The following TP73 variants were observed in gnomAD, a reference collection of about 807,000 sequenced individuals.
The protein encoded by TP73 is tumor protein p73, also known as p53-like transcription factor.
TP73 carries 25 observed loss-of-function variants against 62.5 expected under a neutral mutation model. That is an observed-to-expected ratio of 0.40 (90% CI 0.29 to 0.56). The LOEUF is 0.56. Among genes scored for constraint, TP73 ranks in the 20% least tolerant of loss-of-function variants. The pLI is 0.46. For synonymous variants in TP73, 423 were observed against 377.5 expected, an observed-to-expected ratio of 1.12 and a Z score of -1.40; for missense variants, 754 against 913.3, an observed-to-expected ratio of 0.83 and a Z score of 2.25.
Position 3,727,433 on chromosome 1 carries a change from G to A in TP73, c.843-195G>A, listed in dbSNP as rs534588115. On this transcript the variant is annotated intron_variant, in intron 7 of 13. Coordinates refer to ENST00000378295, the MANE Select transcript of TP73 (RefSeq NM_005427.4). ...CCGGAGGGAGGTGGGAGTCCCCGGC[G>A]AGGTCTCAGGGCAGCCTCACAGCTT... 5.4e-5 allele frequency: 52 copies of A among 962,220 alleles called. No homozygotes were observed. In the Admixed American group the frequency reaches 9.3e-4, roughly 17 times the overall value. 59.6% of individuals were successfully genotyped at this position (962,220 alleles called of 1,614,324 possible).
At chr1:3,718,696 T>C (rs947253181) in intron 4 of TP73, among the ~76,000 whole-genome samples, 1 of 152,024 alleles carries the variant, frequency 6.6e-6, no homozygotes, top group Admixed American at 6.5e-5. Context: ...ACTCCATCTG[T>C]GTCCAACTGG....
At chr1:3,671,503 C>G (rs775689439) in intron 1 of TP73, among the ~76,000 whole-genome samples, 1 of 152,246 alleles carries the variant, frequency 6.6e-6, no homozygotes, top group South Asian at 2.1e-4. Flanking sequence ...CGGGAGCCCC[C>G]TTCGTGACGG....
intron 1 of TP73, among the ~76,000 whole-genome samples, chr1:3,656,229 T>C (rs1196617711): frequency 6.6e-6 from 1 of 152,016 alleles, no homozygotes; most frequent in Non-Finnish European, 1.5e-5. Context: ...TAAGACAGCT[T>C]ATACCAAAGT....
chr1:3,691,647 T>C (rs922172369), intron 3 of TP73, among the ~76,000 whole-genome samples: 2 of 152,110 alleles, frequency 1.3e-5, no homozygotes, highest in Non-Finnish European at 1.5e-5. Context: ...GCCAGGTCCC[T>C]GGGGGCCAGG....
chr1:3,714,229 ACTCCC>A (rs1247100134), intron 4 of TP73: 7 of 151,636 alleles, frequency 4.6e-5, no homozygotes, highest in African/African-American at 1.7e-4. Flanking sequence ...TCCACAGCTT[ACTCCC>A]CTCCCTCCGC....
chr1:3,731,367 G>C, intron 12 of TP73, 96 bp from the exon 13 acceptor site: 1 of 1,289,526 alleles, frequency 7.8e-7, no homozygotes. Context: ...GACAGCGGCA[G>C]TCTCCGCCCC....
At position 3,733,896 on chromosome 1, in the gene TP73, C is replaced by A. The variant is rs1398260183; in HGVS notation, c.*817C>A. On this transcript the variant is annotated 3_prime_UTR_variant, in exon 14 of 14. Coordinates refer to ENST00000378295, the MANE Select transcript of TP73 (RefSeq NM_005427.4). ...ATTGTCAATATTTGATAAAATGATACCCTTTTCTACATGGTGGGTCAGCTT... is the reference window on the plus strand; with the variant it reads ...ATTGTCAATATTTGATAAAATGATAACCTTTTCTACATGGTGGGTCAGCTT... 1 of 151,578 alleles carries A rather than the reference C, an allele frequency of 6.6e-6. No individual in the cohort carries two copies. Among genetic ancestry groups the A allele is most frequent in the Non-Finnish European group, 1.5e-5 (1 of 67,930 alleles). 9.4% of individuals were successfully genotyped at this position (151,578 alleles called of 1,614,324 possible). A position where few individuals can be genotyped will look rare whatever the true frequency, so the allele number is the denominator to read the frequency against.
chr1:3,682,678 G>A (rs1645553218), intron 2 of TP73, among the ~76,000 whole-genome samples: 1 of 152,246 alleles, frequency 6.6e-6, no homozygotes, highest in Non-Finnish European at 1.5e-5. Flanking sequence ...CTCCACACTA[G>A]TCTTGGGCTA....
In TP73 at chr1:3,696,033, G is replaced by C. The variant is rs1557525190; in HGVS notation, c.187-11516G>C. ...GGCCGTGGCTGTGTTGGAGATGCCC[G>C]GCAGCCATTGCATAGCTGAGAAGGA... On this transcript the variant is annotated intron_variant, in intron 3 of 13. Coordinates refer to ENST00000378295, the MANE Select transcript of TP73 (RefSeq NM_005427.4). This position sits in a 1 kb window ranked among gnomAD's most constrained non-coding sequence, Gnocchi z 4.1. Among the ~76,000 whole-genome samples the C allele has an allele frequency of 6.6e-6, 1 of 152,214 alleles. No homozygotes were observed.
chr1:3,711,058 C>T (rs1393026164), intron 4 of TP73, among the ~76,000 whole-genome samples: 2 of 152,230 alleles, frequency 1.3e-5, no homozygotes, highest in Non-Finnish European at 2.9e-5. Flanking sequence ...CTGGCGTCTG[C>T]TGGGGTCCCA....
intron 3 of TP73, among the ~76,000 whole-genome samples, chr1:3,686,601 G>A (rs1645663010): frequency 6.6e-6 from 1 of 152,170 alleles, no homozygotes; most frequent in Non-Finnish European, 1.5e-5. Flanking sequence ...GGCAAGAGCA[G>A]TTGAACCCTC....
At position 3,666,802 on chromosome 1, in the gene TP73, G is replaced by A. The variant is rs77710351; in HGVS notation, c.-34+14161G>A. Among the ~76,000 whole-genome samples, 1 of 152,272 alleles carries A rather than the reference G, an allele frequency of 6.6e-6. No individual in the cohort carries two copies. Among genetic ancestry groups the A allele is most frequent in the African/African-American group, 2.4e-5 (1 of 41,562 alleles). ...AGTGCCATGCGGGCGTCTCTCCCAG[G>A]GCGGCTTTCAGACTGACCCCCAAAC... On this transcript the variant is annotated intron_variant, in intron 1 of 13. Coordinates refer to ENST00000378295, the MANE Select transcript of TP73 (RefSeq NM_005427.4). The surrounding 1 kb of genome is among the most constrained non-coding windows in gnomAD (Gnocchi z 6.4).
At chr1:3,712,590 T>C (rs942625349) in intron 4 of TP73, among the ~76,000 whole-genome samples, 1 of 152,146 alleles carries the variant, frequency 6.6e-6, no homozygotes, top group Admixed American at 6.5e-5. Context: ...TTCCCTTCCA[T>C]AGGCATGAGA....
intron 1 of TP73, among the ~76,000 whole-genome samples, chr1:3,653,171 A>AC (rs1021252626): frequency 3.3e-5 from 5 of 152,234 alleles, no homozygotes; most frequent in African/African-American, 9.6e-5. Flanking sequence ...GGGGGCCTTG[A>AC]CCCATGGAGT....
At chr1:3,705,630 G>A (rs1422641616) in intron 3 of TP73, among the ~76,000 whole-genome samples, 2 of 152,360 alleles carry the variant, frequency 1.3e-5, no homozygotes, top group East Asian at 3.9e-4. Flanking sequence ...ACAGGGAGAG[G>A]GCCTGCCTGG....
chr1:3,688,304 C>T (rs1482773557), intron 3 of TP73, among the ~76,000 whole-genome samples: 2 of 152,212 alleles, frequency 1.3e-5, no homozygotes, highest in African/African-American at 2.4e-5. Context: ...GCAGCTTCTG[C>T]GGCCTCTTCC....
chr1:3,706,820 C>A (rs910275994), intron 3 of TP73, among the ~76,000 whole-genome samples: 4 of 152,152 alleles, frequency 2.6e-5, no homozygotes, highest in African/African-American at 9.7e-5. Flanking sequence ...GGTGTGTGGT[C>A]CTGGCGGGGG....
At chr1:3,677,689 C>CTTTA (rs1215137164) in intron 1 of TP73, among the ~76,000 whole-genome samples, 142 of 137,262 alleles carry the variant, frequency 1.0e-3, no homozygotes, top group Non-Finnish European at 1.7e-3. Flanking sequence ...TCCTTCCTTC[C>CTTTA]CTTTTTTTTT....
chr1:3,698,618 C>T (rs1368393602), intron 3 of TP73, among the ~76,000 whole-genome samples: 5 of 151,970 alleles, frequency 3.3e-5, no homozygotes, highest in Non-Finnish European at 7.4e-5. Flanking sequence ...GGGGAGGAGG[C>T]GGCGGCACCG....
Sources: gnomAD v4.1 joint callset for allele counts (sites outside exome capture counted in the v4.1 genomes callset) on GRCh38, gnomAD v4.1.1 for gene constraint, Gnocchi (gnomAD v3.1) non-coding constraint, MANE v1.5 for transcripts, NCBI Gene and HGNC (gene_info 2026-07-23, HGNC 2026-07-21) for gene names.